Variants in ZDHHC14 observed in about 807,000 individuals in gnomAD.
The protein encoded by ZDHHC14 is zDHHC palmitoyltransferase 14, also known as palmitoyltransferase ZDHHC14.
Under a neutral mutation model 47.7 loss-of-function variants are expected in ZDHHC14, and 16 were observed. The observed-to-expected ratio is 0.34, with a 90% confidence interval of 0.23 to 0.51. The LOEUF is 0.51. ZDHHC14 is among the 20% of genes least tolerant of loss of function. The pLI, the probability that ZDHHC14 is intolerant of heterozygous loss-of-function variation, is 0.97. For synonymous variants in ZDHHC14, 293 were observed against 278.9 expected (o/e 1.05, Z -0.50); for missense variants, 515 against 662.5 (o/e 0.78, Z 2.44).
chr6:157,642,063 TAGA>T (rs1421148559), intron 5 of ZDHHC14, among the ~76,000 whole-genome samples: 162 of 151,620 alleles, frequency 1.1e-3, no homozygotes, highest in East Asian at 4.9e-3. Context: ...GATAGATAGA[TAGA>T]TAGTTATCAT....
intron 1 of ZDHHC14, among the ~76,000 whole-genome samples, chr6:157,497,269 C>T (rs1240593983): frequency 6.6e-6 from 1 of 152,144 alleles, no homozygotes; most frequent in African/African-American, 2.4e-5. Flanking sequence ...TGATTAACTT[C>T]AGGGACTGGA....
chr6:157,529,970 G>A (rs1781305551), intron 1 of ZDHHC14, among the ~76,000 whole-genome samples: 1 of 152,124 alleles, frequency 6.6e-6, no homozygotes. Flanking sequence ...CTGTGAGATG[G>A]TCTCAGTAAT....
intron 2 of ZDHHC14, among the ~76,000 whole-genome samples, chr6:157,577,184 G>A (rs1441522710): frequency 1.3e-5 from 2 of 152,156 alleles, no homozygotes; most frequent in African/African-American, 4.8e-5. Flanking sequence ...TTGCTACAGT[G>A]AACATGATTT....
At chr6:157,397,258 G>A (rs575151473) in intron 1 of ZDHHC14, among the ~76,000 whole-genome samples, 4 of 152,314 alleles carry the variant, frequency 2.6e-5, no homozygotes, top group African/African-American at 9.6e-5. Context: ...CTCAGATTTA[G>A]TTTTCTTTTG....
At chr6:157,393,863 T>G (rs1777469159) in intron 1 of ZDHHC14, among the ~76,000 whole-genome samples, 1 of 152,194 alleles carries the variant, frequency 6.6e-6, no homozygotes, top group Non-Finnish European at 1.5e-5. Context: ...CTGCCTGTCT[T>G]AACTTTCCTA....
intron 2 of ZDHHC14, among the ~76,000 whole-genome samples, chr6:157,580,734 G>T (rs528313402): frequency 1.3e-3 from 191 of 151,452 alleles, no homozygotes; most frequent in East Asian, 0.011. Context: ...GTGTGTGTGT[G>T]TTTTTTTCTT....
At chr6:157,565,505 C>T (rs1174280760) in intron 2 of ZDHHC14, among the ~76,000 whole-genome samples, 1 of 152,108 alleles carries the variant, frequency 6.6e-6, no homozygotes, top group Non-Finnish European at 1.5e-5. Flanking sequence ...CAAACCAAAG[C>T]AAGGGTCAGT....
chr6:157,468,333 T>C (rs1488858526), intron 1 of ZDHHC14, among the ~76,000 whole-genome samples: 3 of 152,240 alleles, frequency 2.0e-5, no homozygotes, highest in Non-Finnish European at 4.4e-5. Context: ...GTGACAGCAC[T>C]GCACATTCTC....
chr6:157,591,196 C>T (rs1270512200), intron 2 of ZDHHC14, among the ~76,000 whole-genome samples: 1 of 152,158 alleles, frequency 6.6e-6, no homozygotes, highest in Non-Finnish European at 1.5e-5. Flanking sequence ...TGAGCTAAGA[C>T]TTTGGGGGAC....
chr6:157,514,169 T>C (rs1378683490), intron 1 of ZDHHC14, among the ~76,000 whole-genome samples: 5 of 152,214 alleles, frequency 3.3e-5, no homozygotes, highest in Non-Finnish European at 7.3e-5. Flanking sequence ...AGTTGGGATA[T>C]ACCATATTGA....
At chr6:157,447,459 C>T (rs540283985) in intron 1 of ZDHHC14, among the ~76,000 whole-genome samples, 5 of 152,204 alleles carry the variant, frequency 3.3e-5, no homozygotes, top group East Asian at 3.9e-4. Context: ...GCGCTACCTG[C>T]GCTGCTTGGG....
chr6:157,528,814 TAA>T (rs1170302321), intron 1 of ZDHHC14, among the ~76,000 whole-genome samples: 1 of 149,190 alleles, frequency 6.7e-6, no homozygotes, highest in Non-Finnish European at 1.5e-5. Flanking sequence ...ATTAATTAAT[TAA>T]TTAAAAAAGC....
Position 157,672,861 on chromosome 6 carries a change from C to A in ZDHHC14, c.1206C>A (p.Ala402=). The A allele has an allele frequency of 6.2e-7, 1 of 1,609,456 alleles. No homozygotes were observed. Among genetic ancestry groups the A allele is most frequent in the Non-Finnish European group, 8.5e-7 (1 of 1,178,648 alleles). Residue 402 remains alanine, a synonymous_variant, in exon 9 of 9, where the codon GCC becomes GCA. Transcript: ENST00000359775. Reference sequence around the variant, plus strand: ...AGCCTGGCCTGGGCACGCCCTGCGCCAGCCTCACACTGGGCCCGCCCACAC... The same window carrying A: ...AGCCTGGCCTGGGCACGCCCTGCGCAAGCCTCACACTGGGCCCGCCCACAC... ...PGKPGLGTPC[A]SLTLGPPTPP... is the part of the protein sequence containing the mutation.
chr6:157,458,849 A>AC (rs1434832129), intron 1 of ZDHHC14, among the ~76,000 whole-genome samples: 1 of 81,226 alleles, frequency 1.2e-5, no homozygotes, highest in African/African-American at 4.6e-5. Context: ...ATGTGGGTGG[A>AC]TTTTTTTTTT....
chr6:157,398,887 A>G (rs1010130316), intron 1 of ZDHHC14, among the ~76,000 whole-genome samples: 2 of 152,218 alleles, frequency 1.3e-5, no homozygotes, highest in Admixed American at 6.5e-5. Flanking sequence ...GACAGTAAAC[A>G]TTAAGTGGGG....
In ZDHHC14 at chr6:157,502,798, C is replaced by T. The variant is rs909214573; in HGVS notation, c.246-39787C>T. Among the ~76,000 whole-genome samples, 1 of 152,176 alleles carries T rather than the reference C, an allele frequency of 6.6e-6. No homozygotes were observed. The highest frequency in any genetic ancestry group is 2.4e-5 in the African/African-American group (1 of 41,422). On this transcript the variant is annotated intron_variant, in intron 1 of 8. Transcript: ENST00000359775. The surrounding 1 kb of genome is among the most constrained non-coding windows in gnomAD (Gnocchi z 4.0). Reference sequence around the variant, plus strand: ...CTCCGCCTCCCAGGTTCAAGCGATTCTCCTGGCTCAGCCTCTCAAGTAGCT... The same window carrying T: ...CTCCGCCTCCCAGGTTCAAGCGATTTTCCTGGCTCAGCCTCTCAAGTAGCT...
At chr6:157,537,312 A>G (rs925005234) in intron 1 of ZDHHC14, among the ~76,000 whole-genome samples, 1 of 152,186 alleles carries the variant, frequency 6.6e-6, no homozygotes, top group African/African-American at 2.4e-5. Context: ...AATTCCATAT[A>G]ATCTTTTGGC....
chr6:157,555,110 G>A (rs141069409), intron 2 of ZDHHC14, among the ~76,000 whole-genome samples: 64 of 152,242 alleles, frequency 4.2e-4, no homozygotes, highest in African/African-American at 1.3e-3. Flanking sequence ...TGTCCCTTAA[G>A]GACTCAACAT....
chr6:157,526,924 C>T (rs1781175607), intron 1 of ZDHHC14, among the ~76,000 whole-genome samples: 1 of 152,070 alleles, frequency 6.6e-6, no homozygotes, highest in Admixed American at 6.5e-5. Context: ...GGAGAGGGGC[C>T]GGGGCAGTGG....
Sources: gnomAD v4.1 joint callset for allele counts (sites outside exome capture counted in the v4.1 genomes callset) on GRCh38, gnomAD v4.1.1 for gene constraint, Gnocchi (gnomAD v3.1) non-coding constraint, MANE v1.5 for transcripts, NCBI Gene and HGNC (gene_info 2026-07-23, HGNC 2026-07-21) for gene names.